The following NSMCE2 variants were observed in gnomAD, a reference collection of about 807,000 sequenced individuals.
NSMCE2 encodes the protein NSE2 SUMO ligase component of SMC5/6 complex.
Under a neutral mutation model 23.8 loss-of-function variants are expected in NSMCE2, and 24 were observed. The ratio of observed to expected loss-of-function variants is 1.01; its 90% CI spans 0.73 to 1.42. The LOEUF is 1.42. Ranked by LOEUF, NSMCE2 falls within the 40% of genes most tolerant of loss-of-function variation. NSMCE2 has a pLI of 0.00. For synonymous variants in NSMCE2, 92 were observed against 94.1 expected, an observed-to-expected ratio of 0.98 and a Z score of 0.13; for missense variants, 284 against 296.5, an observed-to-expected ratio of 0.96 and a Z score of 0.31.
intron 5 of NSMCE2, among the ~76,000 whole-genome samples, chr8:125,325,097 T>C (rs1829611039): frequency 6.6e-6 from 1 of 152,204 alleles, no homozygotes; most frequent in Non-Finnish European, 1.5e-5. Flanking sequence ...CATAGTTAAT[T>C]ATATATTAAT....
intron 3 of NSMCE2, among the ~76,000 whole-genome samples, chr8:125,140,371 A>G (rs1820297711): frequency 6.6e-6 from 1 of 152,094 alleles, no homozygotes; most frequent in Non-Finnish European, 1.5e-5. Context: ...TTTTTCAATA[A>G]TCATATAAAG....
At chr8:125,258,211 A>G (rs1481610625) in intron 5 of NSMCE2, among the ~76,000 whole-genome samples, 1 of 152,204 alleles carries the variant, frequency 6.6e-6, no homozygotes, top group Non-Finnish European at 1.5e-5. Flanking sequence ...TCTGTGAAAC[A>G]GGAGATAAGT....
rs115611189 is a variant in NSMCE2 at position 125,096,297 on chromosome 8, C to T, written c.-111+4339C>T. Among the ~76,000 whole-genome samples, 1,346 of 152,236 alleles carry T rather than the reference C, an allele frequency of 8.8e-3. 22 individuals carry two copies. The highest frequency in any genetic ancestry group is 0.03 in the African/African-American group (1,239 of 41,522). ...TGTGGAGCATATATAGGCATGTAACCGGGTTGAAGAGGAAATGGTTTTGGT... is the reference window on the plus strand; with the variant it reads ...TGTGGAGCATATATAGGCATGTAACTGGGTTGAAGAGGAAATGGTTTTGGT... On this transcript the variant is annotated intron_variant, in intron 1 of 7. Transcript: ENST00000287437.
rs574045305 is a variant in NSMCE2, at chr8:125,256,723, G to A, written c.418+74467G>A. 3.3e-5 allele frequency among the ~76,000 whole-genome samples: 5 copies of A among 151,138 alleles called. No homozygotes were observed. In the South Asian group the frequency reaches 1.0e-3, roughly 32 times the overall value. On this transcript the variant is annotated intron_variant, in intron 5 of 7. Transcript: ENST00000287437. ...GGTGGATCATGAGGTCAGGAGATCGGGACCATCCTGGCTAACATGGTGAAA... is the reference window on the plus strand; with the variant it reads ...GGTGGATCATGAGGTCAGGAGATCGAGACCATCCTGGCTAACATGGTGAAA...
At chr8:125,251,908 T>C (rs1234500977) in intron 5 of NSMCE2, among the ~76,000 whole-genome samples, 1 of 152,206 alleles carries the variant, frequency 6.6e-6, no homozygotes, top group Non-Finnish European at 1.5e-5. Flanking sequence ...CCATAAGACC[T>C]GGACCTCAGA....
intron 5 of NSMCE2, among the ~76,000 whole-genome samples, chr8:125,272,813 G>GTA (rs1167434993): frequency 1.3e-4 from 15 of 119,086 alleles, no homozygotes; most frequent in Non-Finnish European, 2.4e-4. Context: ...ATACACACAC[G>GTA]TATATATATA....
intron 5 of NSMCE2, among the ~76,000 whole-genome samples, chr8:125,328,665 G>A (rs1307071477): frequency 6.6e-6 from 1 of 152,198 alleles, no homozygotes; most frequent in Non-Finnish European, 1.5e-5. Flanking sequence ...TCAATGTGTA[G>A]TGTTTTATTT....
At chr8:125,325,050 A>G (rs2131280599) in intron 5 of NSMCE2, among the ~76,000 whole-genome samples, 1 of 152,316 alleles carries the variant, frequency 6.6e-6, no homozygotes, top group African/African-American at 2.4e-5. Context: ...TAATGATTGA[A>G]CAGATGTGTA....
Position 125,182,588 on chromosome 8 carries a change from A to C in NSMCE2, c.418+332A>C, listed in dbSNP as rs542766396. 3 of 400,454 alleles carry C rather than the reference A, an allele frequency of 7.5e-6. No homozygotes were observed. In the South Asian group the frequency reaches 1.7e-4, roughly 23 times the overall value. The allele number at this position is 400,454 out of a possible 1,614,324, so 24.8% of individuals were successfully genotyped here. The stretch of plus-strand genomic sequence containing the variant: ...ATTTAAATAACAATGGTATCGTTCA[A>C]GTTTTAAACTGCTGTGCCATGCTTT... On this transcript the variant is annotated intron_variant, in intron 5 of 7. Coordinates refer to ENST00000287437, the MANE Select transcript of NSMCE2 (RefSeq NM_173685.4).
chr8:125,294,001 C>T (rs1828223859), intron 5 of NSMCE2, among the ~76,000 whole-genome samples: 2 of 152,178 alleles, frequency 1.3e-5, no homozygotes, highest in Admixed American at 1.3e-4. Context: ...TCTAGGCAAC[C>T]ACTAAATCTA....
At chr8:125,346,665 T>C (rs1026196656) in intron 5 of NSMCE2, among the ~76,000 whole-genome samples, 3 of 152,202 alleles carry the variant, frequency 2.0e-5, no homozygotes, top group Non-Finnish European at 2.9e-5. Context: ...CCTTTTCTTA[T>C]AAGAGGTATT....
At chr8:125,274,929 CAAAA>C (rs36192929) in intron 5 of NSMCE2, among the ~76,000 whole-genome samples, 14 of 59,858 alleles carry the variant, frequency 2.3e-4, no homozygotes, top group Admixed American at 4.2e-4. Context: ...GACTCAGTCT[CAAAA>C]AAAAAAAAAA....
chr8:125,291,846 A>C (rs934330545), intron 5 of NSMCE2, among the ~76,000 whole-genome samples: 7 of 152,088 alleles, frequency 4.6e-5, no homozygotes, highest in African/African-American at 1.7e-4. Flanking sequence ...TATATAAACA[A>C]CTCCAAAACC....
intron 5 of NSMCE2, among the ~76,000 whole-genome samples, chr8:125,344,619 T>C (rs112120116): frequency 0.015 from 2,278 of 151,918 alleles, 47 homozygotes; most frequent in African/African-American, 0.052. Flanking sequence ...GGCATGCACC[T>C]GTAATCCCAG....
chr8:125,360,751 G>T (rs1813502863), intron 7 of NSMCE2, among the ~76,000 whole-genome samples: 1 of 152,172 alleles, frequency 6.6e-6, no homozygotes, highest in Non-Finnish European at 1.5e-5. Context: ...ATGCACATTA[G>T]AGTGATGAGT....
chr8:125,305,016 A>G (rs920656937), intron 5 of NSMCE2, among the ~76,000 whole-genome samples: 5 of 151,756 alleles, frequency 3.3e-5, no homozygotes, highest in Non-Finnish European at 7.4e-5. Flanking sequence ...GGAAAGAAAG[A>G]AGGAAGGAAA....
At chr8:125,271,573 C>T (rs1210112544) in intron 5 of NSMCE2, among the ~76,000 whole-genome samples, 7 of 152,150 alleles carry the variant, frequency 4.6e-5, no homozygotes, top group African/African-American at 1.7e-4. Flanking sequence ...GATTCAGTCC[C>T]TGACATGACT....
intron 5 of NSMCE2, among the ~76,000 whole-genome samples, chr8:125,228,777 G>A (rs535699567): frequency 2.6e-5 from 4 of 152,260 alleles, no homozygotes; most frequent in East Asian, 1.9e-4. Flanking sequence ...CAATTCATAC[G>A]TGCCTGGCTC....
chr8:125,171,178 C>G (rs199942523), intron 4 of NSMCE2, among the ~76,000 whole-genome samples: 1 of 152,276 alleles, frequency 6.6e-6, no homozygotes, highest in East Asian at 1.9e-4. Flanking sequence ...CCACTCTGCT[C>G]AATTGTTCTC....
Sources: allele counts gnomAD v4.1 joint callset (sites outside exome capture counted in the v4.1 genomes callset), GRCh38; gene constraint gnomAD v4.1.1; transcripts MANE v1.5; gene names NCBI Gene and HGNC (gene_info 2026-07-23, HGNC 2026-07-21).